DOCK5: variants seen among roughly 807,000 people sequenced by gnomAD.
The protein encoded by DOCK5 is dedicator of cytokinesis 5.
A neutral mutation model predicts 251.8 loss-of-function variants in DOCK5; 142 were observed. The ratio of observed to expected loss-of-function variants is 0.56; its 90% CI spans 0.49 to 0.65. The LOEUF (loss-of-function observed/expected upper bound fraction) is 0.65, where lower values mean the gene tolerates loss of function less well. DOCK5 is among the 30% of genes least tolerant of loss of function. The pLI, the probability that DOCK5 is intolerant of heterozygous loss-of-function variation, is 0.00. For synonymous variants in DOCK5, 842 were observed against 835.5 expected, an observed-to-expected ratio of 1.01 and a Z score of -0.13; for missense variants, 2,111 against 2,312.3, an observed-to-expected ratio of 0.91 and a Z score of 1.79.
intron 46 of DOCK5, 76 bp from the exon 47 acceptor site, chr8:25,400,853 C>G: frequency 6.5e-7 from 1 of 1,549,664 alleles, no homozygotes; most frequent in South Asian, 1.2e-5. Flanking sequence ...CCACCCCATC[C>G]CTCCCTTCCC....
intron 40 of DOCK5, 103 bp downstream of exon 40, chr8:25,382,881 C>T: frequency 1.1e-6 from 1 of 942,540 alleles, no homozygotes; most frequent in South Asian, 1.6e-5. Context: ...GACCCGTGTT[C>T]TCGCTGTGGG....
rs1305935963 is a variant in DOCK5, at chr8:25,368,213, A to T, written c.3246A>T (p.Glu1082Asp). 1 of 1,612,786 alleles carries T rather than the reference A, an allele frequency of 6.2e-7. No individual in the cohort carries two copies. Among genetic ancestry groups the T allele is most frequent in the Admixed American group, 1.7e-5 (1 of 59,872 alleles). The part of the protein sequence containing the change: ...IVKKYGDMRK[E>D]IGFRIRDMWY... Reference sequence around the variant, plus strand: ...CTAGATATGGGGACATGAGAAAGGAAATCGGCTTTAGAATCCGGGACATGT... The same window carrying T: ...CTAGATATGGGGACATGAGAAAGGATATCGGCTTTAGAATCCGGGACATGT... The change falls in exon 32 of 52, where the codon GAA becomes GAT. Residue 1082 changes from glutamate (E) to aspartate (D), a missense_variant. Physicochemically the swap from Glu to Asp is conservative, Grantham distance 45 (BLOSUM62 2). Transcript: ENST00000276440.
rs1800894629 is a variant in DOCK5, at chr8:25,372,679, G to A, written c.3645G>A (p.Glu1215=). ...ATAGAACCATCATCATGCAAGATGA[G>A]AGCAAGGAGAACCGTATGAGCTGCA... ...LDYRTIIMQD[E]SKENRMSCTV... The change falls in exon 35 of 52, where the codon GAG becomes GAA. Residue 1215 remains glutamate, a synonymous_variant. Transcript: ENST00000276440. 2 of 1,611,690 alleles carry A rather than the reference G, an allele frequency of 1.2e-6. No homozygotes were observed. Among genetic ancestry groups the A allele is most frequent in the Non-Finnish European group, 1.7e-6 (2 of 1,178,970 alleles).
At chr8:25,186,111 G>T (rs1190194680) in intron 1 of DOCK5, among the ~76,000 whole-genome samples, 1 of 152,082 alleles carries the variant, frequency 6.6e-6, no homozygotes, top group African/African-American at 2.4e-5. Context: ...GTGTCTAGGG[G>T]CTTTTCAACT....
intron 47 of DOCK5, among the ~76,000 whole-genome samples, chr8:25,402,777 CACATT>C (rs1167860677): frequency 1.3e-5 from 2 of 152,132 alleles, no homozygotes; most frequent in Non-Finnish European, 2.9e-5. Context: ...CCCTTATTTT[CACATT>C]ATTTCCTCAA....
intron 5 of DOCK5, among the ~76,000 whole-genome samples, 152 bp from the exon 6 acceptor site, chr8:25,291,872 C>CAAA (rs5890217): frequency 2.4e-4 from 27 of 114,362 alleles, no homozygotes; most frequent in African/African-American, 7.6e-4. Flanking sequence ...GACTCCATCA[C>CAAA]AAAAAAAAAA....
At chr8:25,201,074 T>G (rs928629668) in intron 1 of DOCK5, among the ~76,000 whole-genome samples, 4 of 152,158 alleles carry the variant, frequency 2.6e-5, no homozygotes, top group Non-Finnish European at 5.9e-5. Context: ...GCCCGGCTAA[T>G]TTTTGAATTT....
Position 25,351,809 on chromosome 8 carries a change from CG to C in DOCK5, c.2835del (p.Gln946SerfsTer12). ...RINRTVIGMN[R>X]QSPHIGSFVA... ...CAACCGGACAGTGATTGGGATGAACCGGCAGTCTCCCCACATCGTGAGTATC... is the reference window on the plus strand; with the variant it reads ...CAACCGGACAGTGATTGGGATGAACCGCAGTCTCCCCACATCGTGAGTATC... On this transcript the variant is annotated frameshift_variant, in exon 27 of 52. Transcript: ENST00000276440. LOFTEE classifies it high-confidence loss of function. 6.2e-7 allele frequency: 1 copy of C among 1,613,738 alleles called. No individual in the cohort carries two copies. The highest frequency in any genetic ancestry group is 8.5e-7 in the Non-Finnish European group (1 of 1,179,802).
chr8:25,279,240 C>T (rs961508200), intron 5 of DOCK5, among the ~76,000 whole-genome samples: 1 of 152,134 alleles, frequency 6.6e-6, no homozygotes, highest in Non-Finnish European at 1.5e-5. Context: ...CTGGTTTGAC[C>T]TCATAATGCT....
intron 1 of DOCK5, among the ~76,000 whole-genome samples, chr8:25,199,380 C>CTTTTTTTTTTT (rs564264937): frequency 1.7e-5 from 2 of 117,896 alleles, no homozygotes. Context: ...CCGCTCTGTT[C>CTTTTTTTTTTT]TTTTTTTTTT....
At chr8:25,266,007 G>T (rs1047679092) in intron 2 of DOCK5, among the ~76,000 whole-genome samples, 1 of 151,860 alleles carries the variant, frequency 6.6e-6, no homozygotes. Flanking sequence ...GAATACGTTG[G>T]TGTTCACCAT....
Position 25,395,699 on chromosome 8 carries a change from G to A in DOCK5, c.4684G>A (p.Gly1562Ser). ...SGIVDPAVMG[G>S]FSNYEKAFFT... is the part of the protein sequence containing the mutation. ...CATCGTGGACCCGGCCGTCATGGGGGGCTTCTCCAACTATGAAAAGGTTCG... is the reference window on the plus strand; with the variant it reads ...CATCGTGGACCCGGCCGTCATGGGGAGCTTCTCCAACTATGAAAAGGTTCG... The change falls in exon 45 of 52, where the codon GGC becomes AGC. Residue 1562 changes from glycine to serine, a missense_variant. Around this residue, in one of 3 missense-constraint regions of DOCK5, gnomAD observed 1,717 missense variants for 1,892.4 expected, o/e 0.91. Transcript: ENST00000276440. The A allele has an allele frequency of 1.9e-6, 3 of 1,613,668 alleles. No individual in the cohort carries two copies. Among genetic ancestry groups the A allele is most frequent in the Non-Finnish European group, 2.5e-6 (3 of 1,179,806 alleles).
At chr8:25,365,181 T>C (rs7814287) in intron 30 of DOCK5, among the ~76,000 whole-genome samples, 76,574 of 152,128 alleles carry the variant, frequency 0.5, 19,333 homozygotes, top group Middle Eastern at 0.55. Context: ...TTCATTCATT[T>C]ACTTATCCAT....
intron 2 of DOCK5, among the ~76,000 whole-genome samples, chr8:25,258,634 C>T (rs1372825574): frequency 6.6e-6 from 1 of 152,172 alleles, no homozygotes; most frequent in African/African-American, 2.4e-5. Context: ...AGAAGGGTCA[C>T]TCAGACCCTG....
At chr8:25,410,519 T>G (rs1314463829) in intron 51 of DOCK5, among the ~76,000 whole-genome samples, 1 of 151,922 alleles carries the variant, frequency 6.6e-6, no homozygotes, top group African/African-American at 2.4e-5. Flanking sequence ...TGGAGTGCAA[T>G]AGTGCGATCA....
intron 5 of DOCK5, among the ~76,000 whole-genome samples, chr8:25,281,176 C>T (rs1049755246): frequency 6.6e-6 from 1 of 152,004 alleles, no homozygotes; most frequent in South Asian, 2.1e-4. Flanking sequence ...CCTGTAATCC[C>T]AGCACTTTGG....
intron 45 of DOCK5, 143 bp from the exon 46 acceptor site, chr8:25,399,768 T>G (rs1801405213): frequency 1.6e-6 from 1 of 638,570 alleles, no homozygotes; most frequent in African/African-American, 1.8e-5. Flanking sequence ...TCCAACATAG[T>G]ATAAGAGCTG....
intron 41 of DOCK5, among the ~76,000 whole-genome samples, chr8:25,389,954 A>G (rs144170517): frequency 8.1e-4 from 120 of 148,444 alleles, no homozygotes; most frequent in Non-Finnish European, 1.1e-3. Flanking sequence ...CTATTTCCCT[A>G]TGGCAAGGAT....
At chr8:25,295,455 C>G (rs1415081489) in intron 6 of DOCK5, among the ~76,000 whole-genome samples, 1 of 151,766 alleles carries the variant, frequency 6.6e-6, no homozygotes, top group Non-Finnish European at 1.5e-5. Flanking sequence ...ATGAAGAAAC[C>G]AAAGTTGTGC....
Sources: gnomAD v4.1 joint callset for allele counts (sites outside exome capture counted in the v4.1 genomes callset) on GRCh38, gnomAD v4.1.1 for gene constraint, gnomAD v4.1.1 regional missense constraint, MANE v1.5 for transcripts, NCBI Gene and HGNC (gene_info 2026-07-23, HGNC 2026-07-21) for gene names.